The following TRPM6 variants were observed in gnomAD, a reference collection of about 807,000 sequenced individuals.
TRPM6 encodes transient receptor potential cation channel subfamily M member 6, also known as channel kinase 2.
In TRPM6, 111 loss-of-function variants were observed where a neutral mutation model predicts 247.6. The ratio of observed to expected loss-of-function variants is 0.45; its 90% confidence interval spans 0.38 to 0.52. TRPM6 has a LOEUF of 0.52. Among genes scored for constraint, TRPM6 ranks in the 20% least tolerant of loss-of-function variants. The pLI, the probability that TRPM6 is intolerant of heterozygous loss-of-function variation, is 0.00. For missense variants in TRPM6, 2,126 were observed against 2,421.5 expected (o/e 0.88, Z 2.56); for synonymous variants, 892 against 853.8 (o/e 1.04, Z -0.78).
intron 38 of TRPM6, among the ~76,000 whole-genome samples, chr9:74,727,381 CAAAAAA>C (rs763828073): frequency 1.9e-5 from 1 of 52,240 alleles, no homozygotes; most frequent in African/African-American, 7.1e-5. Context: ...GACTCCGTCT[CAAAAAA>C]AAAAAAAAAA....
intron 33 of TRPM6, among the ~76,000 whole-genome samples, chr9:74,740,749 C>A (rs1440320343): frequency 6.6e-6 from 1 of 152,122 alleles, no homozygotes; most frequent in Non-Finnish European, 1.5e-5. Flanking sequence ...GCCTTTGGAG[C>A]ATTTTGGATT....
At chr9:74,796,163 AT>A (rs1413645301) in intron 18 of TRPM6, among the ~76,000 whole-genome samples, 13 of 152,232 alleles carry the variant, frequency 8.5e-5, no homozygotes, top group African/African-American at 3.1e-4. Flanking sequence ...CTTATTAATA[AT>A]TACTGCTTAA....
chr9:74,788,521 C>T, intron 20 of TRPM6, 93 bp downstream of exon 20: 1 of 1,480,352 alleles, frequency 6.8e-7, no homozygotes, highest in South Asian at 1.1e-5. Context: ...CTTGACATGT[C>T]CATTTTCATC....
intron 37 of TRPM6, 76 bp downstream of exon 37, chr9:74,732,609 T>C: frequency 8.6e-7 from 1 of 1,162,112 alleles, no homozygotes; most frequent in Non-Finnish European, 1.3e-6. Flanking sequence ...AACATATATG[T>C]TTGTAAATTA....
intron 35 of TRPM6, 93 bp downstream of exon 35, chr9:74,739,274 C>A: frequency 8.3e-7 from 1 of 1,207,260 alleles, no homozygotes; most frequent in East Asian, 2.3e-5. Flanking sequence ...GGGAATTTCC[C>A]CATGGATAAG....
rs888432693 is a variant in TRPM6, at chr9:74,799,669, T to C, written c.2238+585A>G. Among the ~76,000 whole-genome samples, 13 of 152,220 alleles carry C rather than the reference T, an allele frequency of 8.5e-5. No homozygotes were observed. In the South Asian group the frequency reaches 1.9e-3, roughly 22 times the overall value. ...AAAAAATTCAGTAAAAAGTCTCATTTACTTTTGTTGTAATTATTGGAGGCA... is the reference window on the plus strand; with the variant it reads ...AAAAAATTCAGTAAAAAGTCTCATTCACTTTTGTTGTAATTATTGGAGGCA... On this transcript the variant is annotated intron_variant, in intron 17 of 38. Coordinates refer to ENST00000360774, the MANE Select transcript of TRPM6 (RefSeq NM_017662.5).
At chr9:74,793,404 A>C (rs1438972872) in intron 18 of TRPM6, among the ~76,000 whole-genome samples, 1 of 151,884 alleles carries the variant, frequency 6.6e-6, no homozygotes, top group Non-Finnish European at 1.5e-5. Context: ...CTGGGGTGCA[A>C]TGGCGTGGTC....
intron 3 of TRPM6, among the ~76,000 whole-genome samples, chr9:74,844,821 C>G (rs1200063127): frequency 6.6e-6 from 1 of 152,220 alleles, no homozygotes; most frequent in Non-Finnish European, 1.5e-5. Flanking sequence ...TTTCAACATG[C>G]CTTCCTCACT....
chr9:74,816,846 G>A (rs751029571), intron 10 of TRPM6, 46 bp downstream of exon 10: 9 of 1,608,958 alleles, frequency 5.6e-6, no homozygotes, highest in Non-Finnish European at 6.0e-6. Context: ...TGTGGAACAT[G>A]AGAAGCGTAA....
intron 9 of TRPM6, among the ~76,000 whole-genome samples, chr9:74,819,074 G>A (rs993159317): frequency 1.3e-5 from 2 of 152,094 alleles, no homozygotes; most frequent in African/African-American, 2.4e-5. Flanking sequence ...TTGGGAGGCC[G>A]AGACAGGCAG....
intron 1 of TRPM6, among the ~76,000 whole-genome samples, chr9:74,878,742 C>T (rs879058851): frequency 6.6e-6 from 1 of 152,234 alleles, no homozygotes; most frequent in Admixed American, 6.5e-5. Flanking sequence ...ATGATACCTC[C>T]AAAGGAACAT....
intron 7 of TRPM6, chr9:74,826,710 GTCCCTATTTCTTT>G (rs1049025158): frequency 5.4e-5 from 8 of 148,220 alleles, no homozygotes; most frequent in African/African-American, 2.0e-4. Context: ...ACTTTCCAAG[GTCCCTATTTCTTT>G]TTCTTTTTCT....
At chr9:74,779,322 A>G (rs1827334323) in intron 23 of TRPM6, among the ~76,000 whole-genome samples, 1 of 152,256 alleles carries the variant, frequency 6.6e-6, no homozygotes, top group African/African-American at 2.4e-5. Flanking sequence ...TTATTATCTG[A>G]TCTATAAAAA....
intron 3 of TRPM6, among the ~76,000 whole-genome samples, chr9:74,853,019 C>T (rs1227996787): frequency 2.0e-4 from 30 of 151,952 alleles, no homozygotes; most frequent in African/African-American, 6.8e-4. Context: ...CGTCTCTGCC[C>T]GGCCCCCCGT....
At position 74,800,315 on chromosome 9, in the gene TRPM6, T is replaced by C. The variant is rs1221409819; in HGVS notation, c.2177A>G (p.Gln726Arg). The change falls in exon 17 of 39, where the codon CAG (glutamine) becomes CGG (arginine). Residue 726 changes from glutamine (Q) to arginine (R), a missense_variant. Physicochemically the swap from Gln to Arg is conservative, Grantham distance 43. Transcript: ENST00000360774. ...CATCCACATGTCTGTCAGTAGCATCTGGGTACAAGTATGTGAAACAAAGGG... is the reference window on the plus strand; with the variant it reads ...CATCCACATGTCTGTCAGTAGCATCCGGGTACAAGTATGTGAAACAAAGGG... The part of the protein sequence containing the change: ...LRPFVSHTCT[Q>R]MLLTDMWMGR... 6.2e-7 allele frequency: 1 copy of C among 1,614,170 alleles called. No homozygotes were observed. Among genetic ancestry groups the C allele is most frequent in the Admixed American group, 1.7e-5 (1 of 60,016 alleles).
chr9:74,840,895 C>T (rs2118196057), intron 4 of TRPM6, among the ~76,000 whole-genome samples: 1 of 150,756 alleles, frequency 6.6e-6, no homozygotes, highest in South Asian at 2.1e-4. Context: ...GAACAACTGG[C>T]CAAAATCACT....
chr9:74,870,748 A>T (rs1467919641), intron 1 of TRPM6, among the ~76,000 whole-genome samples: 1 of 152,090 alleles, frequency 6.6e-6, no homozygotes, highest in Non-Finnish European at 1.5e-5. Context: ...ACATGGTGAA[A>T]CCCCATCTCT....
intron 16 of TRPM6, among the ~76,000 whole-genome samples, chr9:74,800,684 T>G (rs575131877): frequency 6.6e-6 from 1 of 151,376 alleles, no homozygotes; most frequent in African/African-American, 2.4e-5. Context: ...CAGAAACTAT[T>G]TGAAAGGAAT....
rs539951061 is a variant in TRPM6 at position 74,883,916 on chromosome 9, G to A, written c.33+3908C>T. Among the ~76,000 whole-genome samples the A allele has an allele frequency of 5.9e-5, 9 of 152,292 alleles. No homozygotes were observed. In the East Asian group the frequency reaches 7.7e-4, roughly 13 times the overall value. ...TGTAATCCCAGCACTTTGGAAGGCC[G>A]AGGTGGGTGGATCACCTGAGGTCGG... On this transcript the variant is annotated intron_variant, in intron 1 of 38. Coordinates refer to ENST00000360774, the MANE Select transcript of TRPM6 (RefSeq NM_017662.5).
Sources: allele counts gnomAD v4.1 joint callset (sites outside exome capture counted in the v4.1 genomes callset), GRCh38; gene constraint gnomAD v4.1.1; transcripts MANE v1.5; gene names NCBI Gene and HGNC (gene_info 2026-07-23, HGNC 2026-07-21).